PLCD1: variants seen among roughly 807,000 people sequenced by gnomAD.
PLCD1 encodes 1-phosphatidylinositol 4,5-bisphosphate phosphodiesterase delta-1.
A neutral mutation model predicts 87.4 loss-of-function variants in PLCD1; 71 were observed. The observed-to-expected ratio is 0.81, with a 90% CI of 0.67 to 0.99. The LOEUF (loss-of-function observed/expected upper bound fraction) is 0.99. Among genes scored for constraint, PLCD1 ranks in the 50% least tolerant of loss-of-function variants. The pLI is 0.00. For missense variants in PLCD1, 867 were observed against 1,001.5 expected (o/e 0.87, Z 1.81); for synonymous variants, 348 against 399.2 (o/e 0.87, Z 1.53).
At chr3:38,024,419 C>A (rs747830582) in intron 1 of PLCD1, 127 of 1,612,214 alleles carry the variant, frequency 7.9e-5, no homozygotes, top group Non-Finnish European at 1.0e-4. Context: ...GGCTCCGGAT[C>A]CCCAGGCACT....
At chr3:38,016,836 G>T in intron 2 of PLCD1, 117 bp from the exon 3 acceptor site, 1 of 781,126 alleles carries the variant, frequency 1.3e-6, no homozygotes, top group Non-Finnish European at 2.2e-6. Flanking sequence ...CAGAGCCAGG[G>T]CCGGAGCTCA....
chr3:38,020,811 T>C (rs1002045900), intron 1 of PLCD1, among the ~76,000 whole-genome samples: 24 of 151,828 alleles, frequency 1.6e-4, no homozygotes, highest in African/African-American at 5.6e-4. Flanking sequence ...AGCAGGGAGA[T>C]AAAAGGGGGA....
Position 38,025,338 on chromosome 3 carries a change from T to C in PLCD1, c.34+4168A>G, listed in dbSNP as rs1303281504. On this transcript the variant is annotated intron_variant, in intron 1 of 14. Coordinates refer to ENST00000334661, the MANE Select transcript of PLCD1 (RefSeq NM_006225.4). The surrounding 1 kb of genome is among the most constrained non-coding windows in gnomAD (Gnocchi z 4.0). ...TGAGGCTGGCGCAGAACCGAAGGGC[T>C]GAGTCTGGGGAGAAAAGCTGAGGGG... Among the ~76,000 whole-genome samples the C allele has an allele frequency of 1.3e-5, 2 of 152,080 alleles. No homozygotes were observed. The highest frequency in any genetic ancestry group is 2.9e-5 in the Non-Finnish European group (2 of 68,002).
chr3:38,027,500 T>C (rs1402767340), intron 1 of PLCD1, among the ~76,000 whole-genome samples: 1 of 152,250 alleles, frequency 6.6e-6, no homozygotes, highest in Non-Finnish European at 1.5e-5. Flanking sequence ...TGAACTCAGG[T>C]ACTTTGCTTT....
chr3:38,009,071 A>G lies in PLCD1; in HGVS notation c.1694T>C (p.Val565Ala), dbSNP rs748144839. 6.2e-7 allele frequency: 1 copy of G among 1,612,644 alleles called. No individual in the cohort carries two copies. The highest frequency in any genetic ancestry group is 1.3e-5 in the African/African-American group (1 of 74,894). ...WRTDSSNYSPVEMWNGGCQIV... is the reference protein window; with the variant it reads ...WRTDSSNYSPAEMWNGGCQIV... The stretch of plus-strand genomic sequence containing the variant: ...CTGGCAGCCCCCATTCCACATCTCC[A>G]CGGGGCTGTAGTTGGAGGAGTCTGT... The change falls in exon 11 of 15, where the codon GTG becomes GCG. Residue 565 changes from valine (V) to alanine (A), a missense_variant. By Grantham distance (64) the Val-to-Ala change is moderately conservative. Coordinates refer to ENST00000334661, the MANE Select transcript of PLCD1 (RefSeq NM_006225.4).
At chr3:38,020,457 C>T (rs762983925) in intron 1 of PLCD1, 105 bp from the exon 2 acceptor site, 4 of 1,052,500 alleles carry the variant, frequency 3.8e-6, no homozygotes, top group Non-Finnish European at 5.8e-6. Context: ...GCCCACTTTT[C>T]ACCAGCCTCA....
chr3:38,024,387 T>C lies in PLCD1; in HGVS notation c.35-4035A>G, dbSNP rs1041787463. ...CACCTTAAGGCTCCGCTCCTGCAGGTAGAGCTCCCTGGAGCGGCTCCGGCT... is the reference window on the plus strand; with the variant it reads ...CACCTTAAGGCTCCGCTCCTGCAGGCAGAGCTCCCTGGAGCGGCTCCGGCT... On this transcript the variant is annotated intron_variant, in intron 1 of 14. Coordinates refer to ENST00000334661, the MANE Select transcript of PLCD1 (RefSeq NM_006225.4). 4 of 1,612,868 alleles carry C rather than the reference T, an allele frequency of 2.5e-6. No homozygotes were observed. The South Asian group carries it at 3.3e-5, about 13-fold the overall frequency.
Position 38,008,053 on chromosome 3 carries a change from T to TGAA in PLCD1, c.2143_2145dup (p.Phe715dup). On this transcript the variant is annotated inframe_insertion, in exon 14 of 15. Transcript: ENST00000334661. ...TTCAAGGGGATGGTACTCTGGCCAA[T>TGAA]GAAGTCATTCTTGGAGGAGGCATCA... The TGAA allele has an allele frequency of 6.2e-7, 1 of 1,614,150 alleles. No homozygotes were observed. Among genetic ancestry groups the TGAA allele is most frequent in the African/African-American group, 1.3e-5 (1 of 75,026 alleles).
At chr3:38,009,519 A>G in intron 9 of PLCD1, 88 bp from the exon 10 acceptor site, 1 of 1,561,424 alleles carries the variant, frequency 6.4e-7, no homozygotes, top group South Asian at 1.1e-5. Context: ...GCAGAGAGAC[A>G]GAGGGAGACA....
Position 38,025,611 on chromosome 3 carries a change from G to GA in PLCD1, c.34+3894dup, listed in dbSNP as rs1411897532. 3.3e-5 allele frequency among the ~76,000 whole-genome samples: 5 copies of GA among 152,170 alleles called. No homozygotes were observed. Among genetic ancestry groups the GA allele is most frequent in the African/African-American group, 1.2e-4 (5 of 41,446 alleles). On this transcript the variant is annotated intron_variant, in intron 1 of 14. Transcript: ENST00000334661. This position sits in a 1 kb window ranked among gnomAD's most constrained non-coding sequence, Gnocchi z 4.0. ...GGTGACGGATGCAAACGAAATTCTTGAAAAAATTCTGATCTTAAAATAAGC... is the reference window on the plus strand; with the variant it reads ...GGTGACGGATGCAAACGAAATTCTTGAAAAAAATTCTGATCTTAAAATAAGC...
At chr3:38,028,577 T>TA (rs530797529) in intron 1 of PLCD1, among the ~76,000 whole-genome samples, 163 of 152,170 alleles carry the variant, frequency 1.1e-3, no homozygotes, top group African/African-American at 3.6e-3. Context: ...CCAAGGGTAC[T>TA]AAAAAAGAGA....
intron 3 of PLCD1, among the ~76,000 whole-genome samples, chr3:38,013,909 G>A (rs1250926850): frequency 6.6e-6 from 1 of 152,176 alleles, no homozygotes; most frequent in African/African-American, 2.4e-5. Flanking sequence ...CTCAAAATGT[G>A]TCCCCTAAGG....
At chr3:38,015,284 A>G (rs1245393634) in intron 3 of PLCD1, among the ~76,000 whole-genome samples, 1 of 152,260 alleles carries the variant, frequency 6.6e-6, no homozygotes, top group East Asian at 1.9e-4. Context: ...GACACAGGCT[A>G]CAACATGGAT....
chr3:38,010,702 G>GATA, intron 5 of PLCD1, 140 bp from the exon 6 acceptor site: 1 of 692,324 alleles, frequency 1.4e-6, no homozygotes, highest in Non-Finnish European at 2.5e-6. Flanking sequence ...TTGGAATTAG[G>GATA]ATAAGTCTGA....
rs193011152 is a variant in PLCD1, at chr3:38,014,679, C to G, written c.428+1812G>C. On this transcript the variant is annotated intron_variant, in intron 3 of 14. Coordinates refer to ENST00000334661, the MANE Select transcript of PLCD1 (RefSeq NM_006225.4). ...ACTTTTCTAGCCTAAAAAAACCCAT[C>G]AAGAAAGAGAAAAGACAACCCACAG... is the stretch of plus-strand genomic sequence containing the variant. 156 of 153,446 alleles carry G rather than the reference C, an allele frequency of 1.0e-3. 1 individual carries two copies. Among genetic ancestry groups the G allele is most frequent in the Non-Finnish European group, 1.6e-3 (107 of 68,008 alleles). 9.5% of individuals were successfully genotyped at this position (153,446 alleles called of 1,614,324 possible).
chr3:38,011,300 G>C lies in PLCD1; in HGVS notation c.704C>G (p.Thr235Arg). The C allele has an allele frequency of 1.2e-6, 2 of 1,612,066 alleles. No homozygotes were observed. The highest frequency in any genetic ancestry group is 1.7e-6 in the Non-Finnish European group (2 of 1,180,030). ...GETLSVDQLV[T>R]FLQHQQREEA... ...CTCCCGCTGCTGGTGCTGCAGGAAC[G>C]TCACTAACTGATCCACCGACAGAGT... The change falls in exon 5 of 15, where the codon ACG becomes AGG. Residue 235 changes from threonine (T) to arginine (R), a missense_variant. By Grantham distance (71) the Thr-to-Arg change is moderately conservative. Coordinates refer to ENST00000334661, the MANE Select transcript of PLCD1 (RefSeq NM_006225.4).
In PLCD1 at chr3:38,025,120, G is replaced by A. The variant is rs1458476776; in HGVS notation, c.34+4386C>T. 1.3e-5 allele frequency among the ~76,000 whole-genome samples: 2 copies of A among 151,626 alleles called. No homozygotes were observed. Among genetic ancestry groups the A allele is most frequent in the African/African-American group, 2.4e-5 (1 of 41,282 alleles). On this transcript the variant is annotated intron_variant, in intron 1 of 14. Transcript: ENST00000334661. This position sits in a 1 kb window ranked among gnomAD's most constrained non-coding sequence, Gnocchi z 4.0. The stretch of plus-strand genomic sequence containing the variant: ...CGACGTGGAGGCAGAGCCATACCCA[G>A]GAAGCAGCCCGGGGGCGGGGCCAGG...
Position 38,015,312 on chromosome 3 carries a change from C to T in PLCD1, c.428+1179G>A, listed in dbSNP as rs151331460. 2.4e-4 allele frequency among the ~76,000 whole-genome samples: 36 copies of T among 152,260 alleles called. No homozygotes were observed. In the East Asian group the frequency reaches 5.8e-3, roughly 24 times the overall value. On this transcript the variant is annotated intron_variant, in intron 3 of 14. Coordinates refer to ENST00000334661, the MANE Select transcript of PLCD1 (RefSeq NM_006225.4). ...ACATGGATGAATATTGCAAACATCA[C>T]GCTAAATGAAAGAAGCCAGTCACAA...
intron 2 of PLCD1, among the ~76,000 whole-genome samples, chr3:38,019,928 G>T (rs947661505): frequency 1.3e-4 from 20 of 152,080 alleles, no homozygotes; most frequent in Non-Finnish European, 2.5e-4. Flanking sequence ...CTCCATCTGC[G>T]GTCCTCGTTC....
Sources: allele counts gnomAD v4.1 joint callset (sites outside exome capture counted in the v4.1 genomes callset), GRCh38; gene constraint gnomAD v4.1.1; non-coding constraint Gnocchi (gnomAD v3.1); transcripts MANE v1.5; gene names NCBI Gene and HGNC (gene_info 2026-07-23, HGNC 2026-07-21).